ITFG1: variants seen among roughly 807,000 people sequenced by gnomAD.
The protein encoded by ITFG1 is integrin alpha FG-GAP repeat containing 1.
ITFG1 carries 34 observed loss-of-function variants against 81.8 expected under a neutral mutation model. The observed-to-expected ratio is 0.42, with a 90% confidence interval of 0.32 to 0.55. The LOEUF (loss-of-function observed/expected upper bound fraction) is 0.55, where lower values mean the gene tolerates loss of function less well. Among genes scored for constraint, ITFG1 ranks in the 20% least tolerant of loss-of-function variants. The pLI, the probability that ITFG1 is intolerant of heterozygous loss-of-function variation, is 0.17. For missense variants in ITFG1, 672 were observed against 755.4 expected (o/e 0.89, Z 1.29); for synonymous variants, 285 against 270.6 (o/e 1.05, Z -0.52).
Position 47,175,911 on chromosome 16 carries a change from C to T in ITFG1, c.1454-13247G>A, listed in dbSNP as rs264329. 9.9e-3 allele frequency among the ~76,000 whole-genome samples: 1,511 copies of T among 152,162 alleles called. 17 individuals are homozygous for T. The highest frequency in any genetic ancestry group is 0.013 in the Non-Finnish European group (893 of 68,004). On this transcript the variant is annotated intron_variant, in intron 14 of 17. Transcript: ENST00000320640. ...GAGTACAGGTGTGTACCACTGTGCC[C>T]GGCTAATGTTTACAAGTCCAGGGTG...
chr16:47,296,889 C>T (rs1311705600), intron 10 of ITFG1, among the ~76,000 whole-genome samples: 1 of 152,134 alleles, frequency 6.6e-6, no homozygotes, highest in Non-Finnish European at 1.5e-5. Flanking sequence ...GTTCCATGTT[C>T]CGATGAGAAG....
chr16:47,176,756 G>C (rs531935026), intron 14 of ITFG1, among the ~76,000 whole-genome samples: 2 of 152,174 alleles, frequency 1.3e-5, no homozygotes, highest in Non-Finnish European at 2.9e-5. Flanking sequence ...TGGAGAAAGA[G>C]ACTGTGTTCC....
intron 13 of ITFG1, among the ~76,000 whole-genome samples, chr16:47,223,930 T>C (rs975767087): frequency 4.2e-4 from 64 of 151,852 alleles, no homozygotes; most frequent in Non-Finnish European, 6.6e-4. Flanking sequence ...ATGGATGAAA[T>C]TGGAAATCAT....
intron 8 of ITFG1, among the ~76,000 whole-genome samples, chr16:47,344,057 A>G (rs957435993): frequency 2.0e-5 from 3 of 152,204 alleles, no homozygotes; most frequent in Admixed American, 6.5e-5. Flanking sequence ...GATTCCACTT[A>G]TATGAAATAT....
At chr16:47,170,183 GC>G (rs1964939880) in intron 14 of ITFG1, among the ~76,000 whole-genome samples, 1 of 152,182 alleles carries the variant, frequency 6.6e-6, no homozygotes, top group Non-Finnish European at 1.5e-5. Flanking sequence ...TGAGAGTAAT[GC>G]TGGTCTCACA....
intron 8 of ITFG1, among the ~76,000 whole-genome samples, chr16:47,348,676 C>G (rs915728021): frequency 6.6e-6 from 1 of 152,152 alleles, no homozygotes; most frequent in African/African-American, 2.4e-5. Context: ...CCTAGCAAGG[C>G]AGGCCAACAT....
At chr16:47,242,194 G>T (rs1326854712) in intron 12 of ITFG1, among the ~76,000 whole-genome samples, 2 of 151,850 alleles carry the variant, frequency 1.3e-5, no homozygotes. Context: ...GACAAAGGGG[G>T]TGAACTTTTT....
rs1555503772 is a variant in ITFG1 at position 47,199,269 on chromosome 16, C to CCCAACCCAAA, written c.1453+19598_1453+19599insTTTGGGTTGG. On this transcript the variant is annotated intron_variant, in intron 14 of 17. Coordinates refer to ENST00000320640, the MANE Select transcript of ITFG1 (RefSeq NM_030790.5). ...GCAACAAAGCGAGACTCCAAAAAAA[C>CCCAACCCAAA]CCAAACCAAACCAAACCAAACCAAA... Among the ~76,000 whole-genome samples, 6 of 150,744 alleles carry CCCAACCCAAA rather than the reference C, an allele frequency of 4.0e-5. No homozygotes were observed. In the East Asian group the frequency reaches 7.8e-4, roughly 20 times the overall value.
intron 6 of ITFG1, among the ~76,000 whole-genome samples, chr16:47,412,986 G>A (rs923026177): frequency 6.6e-6 from 1 of 152,142 alleles, no homozygotes. Context: ...TCTGGCTAGA[G>A]AGGTTGACAG....
chr16:47,219,689 T>C (rs1052393772), intron 13 of ITFG1, among the ~76,000 whole-genome samples: 8 of 152,320 alleles, frequency 5.3e-5, no homozygotes, highest in Admixed American at 6.5e-5. Flanking sequence ...CAGAAAAGTA[T>C]AGAAAAGTTA....
At chr16:47,450,013 G>C (rs899763326) in intron 5 of ITFG1, 2 of 152,218 alleles carry the variant, frequency 1.3e-5, no homozygotes, top group South Asian at 2.1e-4. Context: ...AAACAGGCCA[G>C]AAGTCACCAT....
intron 6 of ITFG1, among the ~76,000 whole-genome samples, chr16:47,386,203 G>T (rs1287556442): frequency 6.6e-6 from 1 of 152,104 alleles, no homozygotes; most frequent in Non-Finnish European, 1.5e-5. Context: ...TACAGTCTCT[G>T]GAAATTGTTC....
intron 10 of ITFG1, among the ~76,000 whole-genome samples, chr16:47,290,403 G>A (rs922324398): frequency 2.0e-5 from 3 of 152,094 alleles, no homozygotes; most frequent in African/African-American, 7.2e-5. Flanking sequence ...TGCTGAGAGT[G>A]GTTACTGACG....
chr16:47,312,052 C>T (rs1425167083), intron 9 of ITFG1: 1 of 152,084 alleles, frequency 6.6e-6, no homozygotes, highest in Admixed American at 6.6e-5. Flanking sequence ...TTAGTAAATT[C>T]CTTTATTTCT....
intron 14 of ITFG1, among the ~76,000 whole-genome samples, chr16:47,168,760 T>C (rs1241581142): frequency 6.6e-6 from 1 of 152,114 alleles, no homozygotes; most frequent in Non-Finnish European, 1.5e-5. Flanking sequence ...TTGTTACTAG[T>C]GCTTTTGGTG....
chr16:47,181,809 T>A (rs1965127934), intron 14 of ITFG1, among the ~76,000 whole-genome samples: 1 of 152,218 alleles, frequency 6.6e-6, no homozygotes, highest in East Asian at 1.9e-4. Flanking sequence ...GAGGTAGACA[T>A]GGGAGACTTT....
intron 14 of ITFG1, among the ~76,000 whole-genome samples, chr16:47,199,523 CCACTGTGTTAT>C (rs1965399400): frequency 6.6e-6 from 1 of 152,138 alleles, no homozygotes; most frequent in African/African-American, 2.4e-5. Context: ...CAAATACTTA[CCACTGTGTTAT>C]AACTGCCTAC....
intron 14 of ITFG1, among the ~76,000 whole-genome samples, chr16:47,201,212 T>C (rs1184597955): frequency 6.6e-6 from 1 of 151,364 alleles, no homozygotes; most frequent in East Asian, 1.9e-4. Context: ...GGAGAATTTT[T>C]TTTTTTTTTT....
At chr16:47,166,254 A>G (rs16953067) in intron 14 of ITFG1, among the ~76,000 whole-genome samples, 11,583 of 152,288 alleles carry the variant, frequency 0.076, 767 homozygotes, top group African/African-American at 0.18. Context: ...CATGACATCA[A>G]ACTAGGCTTC....
Sources: allele counts gnomAD v4.1 joint callset (sites outside exome capture counted in the v4.1 genomes callset), GRCh38; gene constraint gnomAD v4.1.1; transcripts MANE v1.5; gene names NCBI Gene and HGNC (gene_info 2026-07-23, HGNC 2026-07-21).